Variants in PCNT observed in about 807,000 individuals in gnomAD.
PCNT encodes kendrin.
A neutral mutation model predicts 380.4 loss-of-function variants in PCNT; 319 were observed. The observed-to-expected ratio is 0.84, with a 90% CI of 0.77 to 0.92. PCNT has a LOEUF of 0.92. Ranked by LOEUF, PCNT falls within the 40% of genes least tolerant of loss-of-function variation. The probability of loss-of-function intolerance (pLI) is 0.00; values close to 1 mark genes in which losing one functional copy is unlikely to be tolerated. For missense variants in PCNT, 4,400 were observed against 4,255.3 expected, an observed-to-expected ratio of 1.03 and a Z score of -0.95; for synonymous variants, 1,845 against 1,735.2, an observed-to-expected ratio of 1.06 and a Z score of -1.57.
intron 38 of PCNT, among the ~76,000 whole-genome samples, chr21:46,434,636 T>C (rs1186820005): frequency 6.6e-6 from 1 of 152,220 alleles, no homozygotes; most frequent in Non-Finnish European, 1.5e-5. Flanking sequence ...CTCAGGCGCT[T>C]GCTGACACGC....
At chr21:46,440,308 T>C in intron 42 of PCNT, 106 bp downstream of exon 42, 1 of 1,195,026 alleles carries the variant, frequency 8.4e-7, no homozygotes, top group Non-Finnish European at 1.2e-6. Context: ...GTCTGCCGGG[T>C]GTAGCAGTCA....
Position 46,431,977 on chromosome 21 carries a change from AG to A in PCNT, c.8515del (p.Val2839Ter), listed in dbSNP as rs1365136553. 6.2e-6 allele frequency: 10 copies of A among 1,613,862 alleles called. No individual in the cohort carries two copies. The highest frequency in any genetic ancestry group is 2.7e-5 in the African/African-American group (2 of 74,940). On this transcript the variant is annotated frameshift_variant, in exon 38 of 47. Coordinates refer to ENST00000359568, the MANE Select transcript of PCNT (RefSeq NM_006031.6). LOFTEE classifies it high-confidence loss of function. ...KHCEALRREK[E>X]VSATLKSTVE... Reference sequence around the variant, plus strand: ...TGTGAGGCGCTCAGGAGAGAGAAGGAGGTAAGTGCCACACTGAAGTCGACGG... The same window carrying A: ...TGTGAGGCGCTCAGGAGAGAGAAGGAGTAAGTGCCACACTGAAGTCGACGG...
intron 10 of PCNT, among the ~76,000 whole-genome samples, chr21:46,353,540 T>A (rs2084352553): frequency 6.6e-6 from 1 of 152,058 alleles, no homozygotes; most frequent in Non-Finnish European, 1.5e-5. Context: ...CCACACTCTG[T>A]CCAGGCCTGC....
intron 46 of PCNT, 89 bp from the exon 47 acceptor site, chr21:46,445,195 G>T (rs565457554): frequency 9.8e-5 from 87 of 884,932 alleles, no homozygotes; most frequent in Non-Finnish European, 1.6e-4. Flanking sequence ...CATGAATTCA[G>T]TGATAGTGTT....
intron 27 of PCNT, 59 bp downstream of exon 27, chr21:46,402,542 C>T (rs1444373275): frequency 1.8e-5 from 28 of 1,583,492 alleles, no homozygotes; most frequent in South Asian, 5.5e-5. Context: ...CGGTGCCGAG[C>T]GGCCACCAAG....
rs1252509567 is a variant in PCNT at position 46,365,595 on chromosome 21, C to T, written c.2610-989C>T. Among the ~76,000 whole-genome samples, 14 of 146,530 alleles carry T rather than the reference C, an allele frequency of 9.6e-5. 2 individuals carry two copies. Among genetic ancestry groups the T allele is most frequent in the African/African-American group, 3.6e-4 (14 of 39,368 alleles). ...CACTCCCATGGGGTTCTGATCACTG[C>T]CATGGCCTTCTATTCACTGCCGTGG... On this transcript the variant is annotated intron_variant, in intron 14 of 46. Coordinates refer to ENST00000359568, the MANE Select transcript of PCNT (RefSeq NM_006031.6).
At chr21:46,438,454 T>C (rs2053521441) in intron 41 of PCNT, 117 bp downstream of exon 41, 1 of 867,042 alleles carries the variant, frequency 1.2e-6, no homozygotes, top group Non-Finnish European at 1.9e-6. Flanking sequence ...GGCGTCACCT[T>C]CTCCCTAACC....
intron 31 of PCNT, among the ~76,000 whole-genome samples, chr21:46,418,831 C>T (rs541347504): frequency 3.3e-5 from 5 of 152,354 alleles, no homozygotes; most frequent in East Asian, 1.9e-4. Flanking sequence ...GGCGTGTCCT[C>T]GCGATGGTGC....
rs1471086221 is a variant in PCNT, at chr21:46,437,032, A to G, written c.9050A>G (p.His3017Arg). Reference protein sequence around the residue: ...SNEKAVMSLLHTLEELKSDLS... With the variant: ...SNEKAVMSLLRTLEELKSDLS... ...GAGAAAGCAGTGATGTCTTTACTGC[A>G]CACGTTGGAGGAGCTGAAGTCTGAC... The change falls in exon 40 of 47, where the codon CAC becomes CGC. Residue 3017 changes from histidine (H) to arginine (R), a missense_variant. By Grantham distance (29) the His-to-Arg change is conservative. Transcript: ENST00000359568. 1.9e-6 allele frequency: 3 copies of G among 1,614,230 alleles called. No homozygotes were observed. Among genetic ancestry groups the G allele is most frequent in the Non-Finnish European group, 2.5e-6 (3 of 1,180,030 alleles).
chr21:46,417,184 CTTTTTTTTTTTTTTT>C lies in PCNT; in HGVS notation c.6921+356_6921+370del, dbSNP rs71318076. Among the ~76,000 whole-genome samples the C allele has an allele frequency of 6.1e-3, 444 of 73,384 alleles. 4 individuals carry two copies. Among genetic ancestry groups the C allele is most frequent in the African/African-American group, 0.021 (422 of 20,482 alleles). 48.1% of individuals were successfully genotyped at this position (73,384 alleles called of 152,430 possible). A position where few individuals can be genotyped will look rare whatever the true frequency, so the allele number is the denominator to read the frequency against. On this transcript the variant is annotated intron_variant, in intron 30 of 46. Transcript: ENST00000359568. ...TTAGATTTATTTTTAGGAATGCTTC[CTTTTTTTTTTTTTTT>C]TTTTTTTTTTGTGAGATGGAGTCTC...
intron 44 of PCNT, chr21:46,442,818 C>T (rs2148118656): frequency 1.7e-6 from 1 of 574,774 alleles, no homozygotes; most frequent in South Asian, 2.0e-5. Context: ...CTGAGATGCT[C>T]AATATATTGA....
At chr21:46,351,131 C>T (rs1485808082) in intron 8 of PCNT, among the ~76,000 whole-genome samples, 2 of 152,200 alleles carry the variant, frequency 1.3e-5, no homozygotes, top group Non-Finnish European at 2.9e-5. Flanking sequence ...CAAGATGAAA[C>T]TGCACCGCTG....
At chr21:46,383,798 A>G (rs866547058) in intron 16 of PCNT, among the ~76,000 whole-genome samples, 38 of 117,382 alleles carry the variant, frequency 3.2e-4, no homozygotes, top group South Asian at 1.2e-3. Flanking sequence ...GTTCAGTGGC[A>G]GAAGCGCATT....
chr21:46,411,600 G>T lies in PCNT; in HGVS notation c.5527G>T (p.Ala1843Ser), dbSNP rs771490397. The T allele has an allele frequency of 6.2e-7, 1 of 1,613,066 alleles. No homozygotes were observed. The highest frequency in any genetic ancestry group is 1.1e-5 in the South Asian group (1 of 91,086). Residue 1843 changes from alanine (A) to serine (S), a missense_variant, in exon 28 of 47, where the codon GCC (alanine) becomes TCC (serine). Coordinates refer to ENST00000359568, the MANE Select transcript of PCNT (RefSeq NM_006031.6). The part of the protein sequence containing the change: ...LQLAELERNV[A>S]LREAEVEDMA... Reference sequence around the variant, plus strand: ...GCTGGCTGAGCTGGAGCGCAATGTAGCCCTCAGGGAGGCTGAGGTCGAAGA... The same window carrying T: ...GCTGGCTGAGCTGGAGCGCAATGTATCCCTCAGGGAGGCTGAGGTCGAAGA...
At position 46,389,814 on chromosome 21, in the gene PCNT, G is replaced by A. The variant is rs142754251; in HGVS notation, c.3840+383G>A. ...GATCTTTTTTTCAGCCAGGCACAGCGGCTCACTCCTGCAGTCCCAGCACTT... is the reference window on the plus strand; with the variant it reads ...GATCTTTTTTTCAGCCAGGCACAGCAGCTCACTCCTGCAGTCCCAGCACTT... On this transcript the variant is annotated intron_variant, in intron 19 of 46. Transcript: ENST00000359568. 3.9e-5 allele frequency among the ~76,000 whole-genome samples: 6 copies of A among 152,274 alleles called. No homozygotes were observed. The East Asian group carries it at 7.7e-4, about 20-fold the overall frequency.
intron 8 of PCNT, 67 bp from the exon 9 acceptor site, chr21:46,351,362 C>G: frequency 2.3e-6 from 2 of 857,232 alleles, no homozygotes; most frequent in Non-Finnish European, 4.1e-6. Flanking sequence ...TAAAACCGCA[C>G]ACGTCACTGC....
intron 43 of PCNT, among the ~76,000 whole-genome samples, chr21:46,441,413 C>G (rs2053603614): frequency 6.6e-6 from 1 of 152,218 alleles, no homozygotes; most frequent in Non-Finnish European, 1.5e-5. Flanking sequence ...GCGGCTGTGC[C>G]TGCTCCCTGA....
chr21:46,343,883 C>T (rs1352566106), intron 3 of PCNT, among the ~76,000 whole-genome samples: 1 of 152,022 alleles, frequency 6.6e-6, no homozygotes, highest in Non-Finnish European at 1.5e-5. Context: ...CCATCGCCTC[C>T]AGGTTTTCTA....
At chr21:46,412,770 C>T in intron 28 of PCNT, 67 bp from the exon 29 acceptor site, 1 of 1,564,742 alleles carries the variant, frequency 6.4e-7, no homozygotes, top group Non-Finnish European at 8.7e-7. Context: ...CAGCTCCAGG[C>T]CACCTGAGGG....
Sources: gnomAD v4.1 joint callset for allele counts (sites outside exome capture counted in the v4.1 genomes callset) on GRCh38, gnomAD v4.1.1 for gene constraint, MANE v1.5 for transcripts, NCBI Gene and HGNC (gene_info 2026-07-23, HGNC 2026-07-21) for gene names.